The following MON2 variants were observed in gnomAD, a reference collection of about 807,000 sequenced individuals.
MON2 encodes protein MON2 homolog.
In MON2, 84 loss-of-function variants were observed where a neutral mutation model predicts 208.6. The observed-to-expected ratio is 0.40, with a 90% CI of 0.34 to 0.48. The LOEUF (loss-of-function observed/expected upper bound fraction) is 0.48. MON2 is among the 20% of genes least tolerant of loss of function. The pLI, the probability that MON2 is intolerant of heterozygous loss-of-function variation, is 0.59. For missense variants in MON2, 1,611 were observed against 2,015.4 expected, an observed-to-expected ratio of 0.80 and a Z score of 3.84; for synonymous variants, 660 against 694.0, an observed-to-expected ratio of 0.95 and a Z score of 0.77.
intron 32 of MON2, among the ~76,000 whole-genome samples, chr12:62,583,247 A>G (rs1592464652): frequency 6.6e-6 from 1 of 152,032 alleles, no homozygotes; most frequent in Admixed American, 6.6e-5. Context: ...TGGGAGGATC[A>G]CCTGAGCCCA....
rs755590523 is a variant in MON2 at position 62,543,149 on chromosome 12, T to A, written c.2417T>A (p.Met806Lys). The change falls in exon 20 of 35, where the codon ATG becomes AAG. Residue 806 changes from methionine (M) to lysine (K), a missense_variant. By Grantham distance (95) the Met-to-Lys change is moderately conservative (BLOSUM62 -1). Transcript: ENST00000393630. ...TTGTTAGAAACTGGTTTAGTTAATA[T>A]GCACCGAATAGAAATTCTGTGGAGA... ...AKLLETGLVNMHRIEILWRPL... is the reference protein window; with the variant it reads ...AKLLETGLVNKHRIEILWRPL... 8.2e-6 allele frequency: 13 copies of A among 1,578,766 alleles called. No homozygotes were observed. The Admixed American group carries it at 1.9e-4, about 23-fold the overall frequency.
chr12:62,580,789 G>T (rs2074977158), intron 32 of MON2, among the ~76,000 whole-genome samples: 1 of 152,148 alleles, frequency 6.6e-6, no homozygotes, highest in African/African-American at 2.4e-5. Context: ...TGAAGTCATA[G>T]ATTGGAAAGG....
chr12:62,469,133 T>TC (rs1491533730), intron 1 of MON2, among the ~76,000 whole-genome samples: 2 of 92,032 alleles, frequency 2.2e-5, no homozygotes, highest in African/African-American at 4.3e-5. Flanking sequence ...TTTTTTTTTT[T>TC]GTAGAGACGG....
rs1178376190 is a variant in MON2 at position 62,571,427 on chromosome 12, C to T, written c.4359C>T (p.Cys1453=). 2 of 1,612,092 alleles carry T rather than the reference C, an allele frequency of 1.2e-6. No individual in the cohort carries two copies. Among genetic ancestry groups the T allele is most frequent in the Admixed American group, 1.7e-5 (1 of 59,874 alleles). ...LRVPLSLKYS[C]PSESTWKLAV... ...TTCCTCTCAGTTTGAAGTATTCCTG[C>T]CCTTCTGAAAGCACATGGAAACTAG... The change falls in exon 30 of 35, where the codon TGC becomes TGT. Residue 1453 remains cysteine (C), a synonymous_variant. Transcript: ENST00000393630.
At chr12:62,523,189 T>A (rs2072151902) in intron 8 of MON2, among the ~76,000 whole-genome samples, 1 of 152,192 alleles carries the variant, frequency 6.6e-6, no homozygotes. Context: ...CATGGGTCTT[T>A]CTTTCTCAGT....
At chr12:62,564,526 A>T (rs1187831604) in intron 26 of MON2, among the ~76,000 whole-genome samples, 19 of 152,118 alleles carry the variant, frequency 1.2e-4, no homozygotes, top group Admixed American at 1.2e-3. Flanking sequence ...AGTATTTTCA[A>T]CACATTTGAA....
At position 62,537,216 on chromosome 12, in the gene MON2, G is replaced by A; in HGVS notation, c.1966G>A (p.Val656Met). The A allele has an allele frequency of 3.1e-6, 5 of 1,613,528 alleles. No homozygotes were observed. The highest frequency in any genetic ancestry group is 4.2e-6 in the Non-Finnish European group (5 of 1,179,614). The change falls in exon 15 of 35, where the codon GTG becomes ATG. Residue 656 changes from valine to methionine, a missense_variant. Coordinates refer to ENST00000393630, the MANE Select transcript of MON2 (RefSeq NM_015026.3). ...ATCAAGTGAATCTCACCAACAAGTT[G>A]TGGCAGTGGGTCAACCTTTAGCAGT... is the stretch of plus-strand genomic sequence containing the variant. ...SPSSESHQQV[V>M]AVGQPLAVQP...
At chr12:62,492,362 C>CTTTTTTT (rs67979134) in intron 2 of MON2, among the ~76,000 whole-genome samples, 4 of 110,272 alleles carry the variant, frequency 3.6e-5, no homozygotes, top group Non-Finnish European at 3.5e-5. Flanking sequence ...AGAGTTAGTT[C>CTTTTTTT]TTTTTTTTTT....
At position 62,566,118 on chromosome 12, in the gene MON2, C is replaced by T. The variant is rs566571079; in HGVS notation, c.4194+87C>T. 13 of 1,430,404 alleles carry T rather than the reference C, an allele frequency of 9.1e-6. No individual in the cohort carries two copies. The South Asian group carries it at 1.4e-4, about 15-fold the overall frequency. 88.6% of individuals were successfully genotyped at this position (1,430,404 alleles called of 1,614,324 possible). A position where few individuals can be genotyped will look rare whatever the true frequency, so the allele number is the denominator to read the frequency against. ...GGTTCTTGGTAGAATGCTGTATGTGCTTTTTCCAATAGTTTTAATTTTTGC... is the reference window on the plus strand; with the variant it reads ...GGTTCTTGGTAGAATGCTGTATGTGTTTTTTCCAATAGTTTTAATTTTTGC... On this transcript the variant is annotated intron_variant, in intron 28 of 34. Coordinates refer to ENST00000393630, the MANE Select transcript of MON2 (RefSeq NM_015026.3).
rs1835762701 is a variant in MON2, at chr12:62,600,475, A to G, written c.*7726A>G. The G allele has an allele frequency of 6.6e-6, 1 of 152,264 alleles. No individual in the cohort carries two copies. Among genetic ancestry groups the G allele is most frequent in the Non-Finnish European group, 1.5e-5 (1 of 68,044 alleles). 9.4% of individuals were successfully genotyped at this position (152,264 alleles called of 1,614,324 possible). On this transcript the variant is annotated 3_prime_UTR_variant, in exon 35 of 35. Transcript: ENST00000393630. The stretch of plus-strand genomic sequence containing the variant: ...TACAATTAAATACTGGTGTATCACT[A>G]ACAACTGTTTAGACCCTGTTTTTGC...
At chr12:62,484,450 A>C (rs1010197141) in intron 2 of MON2, among the ~76,000 whole-genome samples, 10 of 152,220 alleles carry the variant, frequency 6.6e-5, no homozygotes, top group African/African-American at 1.9e-4. Context: ...GAAATCAGAA[A>C]GCTTAACACT....
intron 20 of MON2, among the ~76,000 whole-genome samples, chr12:62,544,265 GGA>G (rs1391297506): frequency 6.6e-6 from 1 of 151,984 alleles, no homozygotes; most frequent in Non-Finnish European, 1.5e-5. Flanking sequence ...GGCAACATAG[GGA>G]GACACCATTT....
intron 22 of MON2, among the ~76,000 whole-genome samples, chr12:62,549,340 C>T (rs1369674254): frequency 6.6e-6 from 1 of 151,378 alleles, no homozygotes; most frequent in Admixed American, 6.6e-5. Context: ...ATAAGTAAGG[C>T]TGGGTGTGGT....
intron 4 of MON2, among the ~76,000 whole-genome samples, chr12:62,496,815 C>T (rs1022180345): frequency 6.6e-6 from 1 of 151,288 alleles, no homozygotes; most frequent in African/African-American, 2.4e-5. Flanking sequence ...GGGTATATAC[C>T]CAAAGGACTA....
chr12:62,476,709 T>C (rs1321977379), intron 1 of MON2, among the ~76,000 whole-genome samples: 1 of 152,158 alleles, frequency 6.6e-6, no homozygotes, highest in East Asian at 1.9e-4. Flanking sequence ...AGTAGTGGGA[T>C]TACAGGCATG....
chr12:62,569,498 T>C lies in MON2; in HGVS notation c.4324-1894T>C, dbSNP rs576578863. Among the ~76,000 whole-genome samples the C allele has an allele frequency of 9.2e-5, 14 of 152,194 alleles. 1 individual carries two copies. The highest frequency in any genetic ancestry group is 1.8e-4 in the Non-Finnish European group (12 of 68,020). ...GAATTGACCATATCGTTTCTCTTCA[T>C]AGCTGTAGGCCAGTAACAAGATTAT... On this transcript the variant is annotated intron_variant, in intron 29 of 34. Coordinates refer to ENST00000393630, the MANE Select transcript of MON2 (RefSeq NM_015026.3).
chr12:62,517,797 C>G (rs2071782353), intron 8 of MON2, among the ~76,000 whole-genome samples: 1 of 152,208 alleles, frequency 6.6e-6, no homozygotes, highest in Admixed American at 6.5e-5. Flanking sequence ...TTGGGCCAAG[C>G]TGAGATACTT....
intron 1 of MON2, among the ~76,000 whole-genome samples, chr12:62,478,944 C>A (rs1565954784): frequency 6.6e-6 from 1 of 152,116 alleles, no homozygotes; most frequent in Non-Finnish European, 1.5e-5. Flanking sequence ...AGGGAAAAAA[C>A]CCTGGTATCT....
intron 30 of MON2, among the ~76,000 whole-genome samples, chr12:62,571,993 C>T (rs545282554): frequency 3.3e-5 from 5 of 152,150 alleles, no homozygotes; most frequent in Non-Finnish European, 7.4e-5. Context: ...TTAGATTTGT[C>T]AAAGATTAAC....
Sources: allele counts gnomAD v4.1 joint callset (sites outside exome capture counted in the v4.1 genomes callset), GRCh38; gene constraint gnomAD v4.1.1; transcripts MANE v1.5; gene names NCBI Gene and HGNC (gene_info 2026-07-23, HGNC 2026-07-21).